The following TPH1 variants were observed in gnomAD, a reference collection of about 807,000 sequenced individuals.
The protein encoded by TPH1 is tryptophan hydroxylase 1, also known as tryptophan 5-hydroxylase 1.
A neutral mutation model predicts 49.5 loss-of-function variants in TPH1; 37 were observed. That is an observed-to-expected ratio of 0.75 (90% CI 0.58 to 0.98). The LOEUF (loss-of-function observed/expected upper bound fraction) is 0.98, where lower values mean the gene tolerates loss of function less well. Ranked by LOEUF, TPH1 falls within the 50% of genes least tolerant of loss-of-function variation. The pLI is 0.00. For missense variants in TPH1, 487 were observed against 523.6 expected (o/e 0.93, Z 0.68); for synonymous variants, 160 against 182.1 (o/e 0.88, Z 0.98).
In TPH1 at chr11:18,020,397, C is replaced by T. The variant is rs991658795; in HGVS notation, c.*594G>A. ...TCCCATTTCCCTACAAGATACTACA[C>T]TTGAAACTAGACTACTTGCTCTTTA... On this transcript the variant is annotated 3_prime_UTR_variant, in exon 11 of 11. Coordinates refer to ENST00000682019, the MANE Select transcript of TPH1 (RefSeq NM_004179.3). 5 of 155,112 alleles carry T rather than the reference C, an allele frequency of 3.2e-5. No individual in the cohort carries two copies. The highest frequency in any genetic ancestry group is 1.2e-4 in the African/African-American group (5 of 41,462). 9.6% of individuals were successfully genotyped at this position (155,112 alleles called of 1,614,324 possible). A position where few individuals can be genotyped will look rare whatever the true frequency, so the allele number is the denominator to read the frequency against.
chr11:18,041,476 G>A (rs922452401), intron 1 of TPH1, among the ~76,000 whole-genome samples: 10 of 152,228 alleles, frequency 6.6e-5, no homozygotes, highest in East Asian at 1.9e-4. Flanking sequence ...GTATGACCTC[G>A]GGCATGCTAC....
At chr11:18,029,666 CTATTA>C in intron 4 of TPH1, 87 bp from the exon 5 acceptor site, 1 of 1,069,010 alleles carries the variant, frequency 9.4e-7, no homozygotes, top group Middle Eastern at 2.2e-4. Context: ...ATTACTAGAG[CTATTA>C]TATTAAAGGG....
In TPH1 at chr11:18,018,917, T is replaced by A. The variant is rs1300113382; in HGVS notation, c.*2074A>T. On this transcript the variant is annotated 3_prime_UTR_variant, in exon 11 of 11. Transcript: ENST00000682019. ...TATTTTTTAATTTCCTTTTTCTACA[T>A]GTTCTAAGATTTGCTTTTTTTAATT... is the stretch of plus-strand genomic sequence containing the variant. The A allele has an allele frequency of 6.6e-6, 1 of 152,082 alleles. No individual in the cohort carries two copies. The highest frequency in any genetic ancestry group is 2.4e-5 in the African/African-American group (1 of 41,426). 9.4% of individuals were successfully genotyped at this position (152,082 alleles called of 1,614,324 possible). A position where few individuals can be genotyped will look rare whatever the true frequency, so the allele number is the denominator to read the frequency against.
chr11:18,020,086 C>T lies in TPH1; in HGVS notation c.*905G>A, dbSNP rs916173763. 1 of 215,036 alleles carries T rather than the reference C, an allele frequency of 4.7e-6. No homozygotes were observed. Among genetic ancestry groups the T allele is most frequent in the Non-Finnish European group, 9.3e-6 (1 of 107,142 alleles). The allele number at this position is 215,036 out of a possible 1,614,324, so 13.3% of individuals were successfully genotyped here. On this transcript the variant is annotated 3_prime_UTR_variant, in exon 11 of 11. Transcript: ENST00000682019. ...TCAGTTTGAACTCTTCCTTTGATAACAATGCTTCCTGTTAATCTGGGGACA... is the reference window on the plus strand; with the variant it reads ...TCAGTTTGAACTCTTCCTTTGATAATAATGCTTCCTGTTAATCTGGGGACA...
chr11:18,037,352 T>C (rs1848056724), intron 2 of TPH1, among the ~76,000 whole-genome samples: 1 of 111,690 alleles, frequency 9.0e-6, no homozygotes. Context: ...AGTGAGACCC[T>C]TTCTCAAAAA....
At position 18,020,305 on chromosome 11, in the gene TPH1, T is replaced by C. The variant is rs143323131; in HGVS notation, c.*686A>G. 6.3e-4 allele frequency: 97 copies of C among 153,602 alleles called. No individual in the cohort carries two copies. Among genetic ancestry groups the C allele is most frequent in the African/African-American group, 2.2e-3 (93 of 41,558 alleles). 9.5% of individuals were successfully genotyped at this position (153,602 alleles called of 1,614,324 possible). ...AAGGGGCTCCCTAATGCCTAAAAAA[T>C]AAAGTCTCGAATTTTTAGCCTAGTC... is the stretch of plus-strand genomic sequence containing the variant. On this transcript the variant is annotated 3_prime_UTR_variant, in exon 11 of 11. Transcript: ENST00000682019.
At chr11:18,033,241 A>C in intron 4 of TPH1, 33 bp downstream of exon 4, 5 of 1,543,940 alleles carry the variant, frequency 3.2e-6, no homozygotes, top group Non-Finnish European at 4.5e-6. Flanking sequence ...CAGCAGAGCA[A>C]GACTTGCTCT....
In TPH1 at chr11:18,025,681, A is replaced by G; in HGVS notation, c.824T>C (p.Leu275Ser). 1 of 1,613,998 alleles carries G rather than the reference A, an allele frequency of 6.2e-7. No homozygotes were observed. The highest frequency in any genetic ancestry group is 2.2e-5 in the East Asian group (1 of 44,880). Residue 275 changes from leucine to serine, a missense_variant, in exon 8 of 11, where the codon TTA (leucine) becomes TCA (serine). By Grantham distance (145) the Leu-to-Ser change is moderately radical (BLOSUM62 -2). Transcript: ENST00000682019. ...TPEPDTCHEL[L>S]GHVPLLAEPS... ...TTCAGCCAAAAGCGGGACATGACCT[A>G]AGAGTTCATGGCAGGTATCTCTGAA...
chr11:18,023,959 C>A lies in TPH1; in HGVS notation c.955G>T (p.Gly319Cys). Residue 319 changes from glycine to cysteine, a missense_variant, in exon 9 of 11, where the codon GGT becomes TGT. Gly to Cys is a radical substitution (Grantham distance 159). Coordinates refer to ENST00000682019, the MANE Select transcript of TPH1 (RefSeq NM_004179.3). ...AGCTGTCCATCTTGTTTACATAGACCAAACTCCACAGTGAAAAAGTAGCAC... is the reference window on the plus strand; with the variant it reads ...AGCTGTCCATCTTGTTTACATAGACAAAACTCCACAGTGAAAAAGTAGCAC... ...ATCYFFTVEF[G>C]LCKQDGQLRV... 6.2e-7 allele frequency: 1 copy of A among 1,613,112 alleles called. No homozygotes were observed. Among genetic ancestry groups the A allele is most frequent in the South Asian group, 1.1e-5 (1 of 91,052 alleles).
At chr11:18,036,259 G>C (rs1848047618) in intron 2 of TPH1, 117 bp from the exon 3 acceptor site, 2 of 752,498 alleles carry the variant, frequency 2.7e-6, no homozygotes, top group South Asian at 3.3e-5. Flanking sequence ...ACAGCAAAGG[G>C]AAAAAGACTG....
At chr11:18,031,406 A>G (rs1364140947) in intron 4 of TPH1, among the ~76,000 whole-genome samples, 2 of 152,174 alleles carry the variant, frequency 1.3e-5, no homozygotes, top group Non-Finnish European at 2.9e-5. Flanking sequence ...GCTATTATGA[A>G]TAAGGCTGCT....
At chr11:18,028,622 T>A (rs993708750) in intron 6 of TPH1, among the ~76,000 whole-genome samples, 17 of 152,166 alleles carry the variant, frequency 1.1e-4, no homozygotes, top group South Asian at 1.0e-3. Context: ...CAATTTCAAA[T>A]CCCCTTATAA....
chr11:18,040,180 A>G (rs2134035032), intron 2 of TPH1, among the ~76,000 whole-genome samples: 1 of 148,758 alleles, frequency 6.7e-6, no homozygotes, highest in Middle Eastern at 3.6e-3. Context: ...TTTCTCCCCC[A>G]TTTCTCGAAG....
chr11:18,019,620 A>G lies in TPH1; in HGVS notation c.*1371T>C. The G allele has an allele frequency of 2.2e-6, 1 of 456,992 alleles. No homozygotes were observed. Among genetic ancestry groups the G allele is most frequent in the South Asian group, 1.6e-5 (1 of 64,506 alleles). 28.3% of individuals were successfully genotyped at this position (456,992 alleles called of 1,614,324 possible). On this transcript the variant is annotated 3_prime_UTR_variant, in exon 11 of 11. Coordinates refer to ENST00000682019, the MANE Select transcript of TPH1 (RefSeq NM_004179.3). ...AGATGTCAGGGTTATAACTGCAAATAGAGGAGTCATTCAAAATAAGAACTG... is the reference window on the plus strand; with the variant it reads ...AGATGTCAGGGTTATAACTGCAAATGGAGGAGTCATTCAAAATAAGAACTG...
intron 2 of TPH1, 141 bp downstream of exon 2, chr11:18,040,505 C>T (rs559657073): frequency 6.4e-4 from 478 of 749,344 alleles, no homozygotes; most frequent in Admixed American, 9.8e-4. Flanking sequence ...GTAGCTGGAA[C>T]TACAGGAGTC....
In TPH1 at chr11:18,035,995, CAG is replaced by C; in HGVS notation, c.263_264del (p.Ser88CysfsTer6). 1 of 1,612,344 alleles carries C rather than the reference CAG, an allele frequency of 6.2e-7. No homozygotes were observed. The stretch of plus-strand genomic sequence containing the variant: ...AAAGTAAAATTATCTGGTAGATTCA[CAG>C]AGAGAACATTGGTATGAGACTTCAG... ...HLLKSHTNVL[S>X]VNLPDNFTLK... is the part of the protein sequence containing the mutation. On this transcript the variant is annotated frameshift_variant, in exon 3 of 11. Transcript: ENST00000682019. LOFTEE classifies it high-confidence loss of function.
intron 9 of TPH1, 29 bp downstream of exon 9, chr11:18,023,859 G>A: frequency 6.6e-7 from 1 of 1,524,264 alleles, no homozygotes. Flanking sequence ...AGGTGAATAT[G>A]GTTATATACA....
At chr11:18,028,480 G>A (rs935480524) in intron 6 of TPH1, among the ~76,000 whole-genome samples, 8 of 152,150 alleles carry the variant, frequency 5.3e-5, no homozygotes, top group African/African-American at 1.9e-4. Flanking sequence ...CTATCCAACA[G>A]TCCTTTACTT....
In TPH1 at chr11:18,030,992, C is replaced by A. The variant is rs1038292682; in HGVS notation, c.403-1413G>T. On this transcript the variant is annotated intron_variant, in intron 4 of 10. Transcript: ENST00000682019. ...ACTTTATTGAGGTATAATTCACATA[C>A]CATAAAATAACCATTCAGTGGTTTT... Among the ~76,000 whole-genome samples the A allele has an allele frequency of 2.0e-5, 3 of 152,068 alleles. No homozygotes were observed. In the South Asian group the frequency reaches 6.2e-4, roughly 32 times the overall value.
Sources: allele counts gnomAD v4.1 joint callset (sites outside exome capture counted in the v4.1 genomes callset), GRCh38; gene constraint gnomAD v4.1.1; transcripts MANE v1.5; gene names NCBI Gene and HGNC (gene_info 2026-07-23, HGNC 2026-07-21).